The following CNGB1 variants were observed in gnomAD, a reference collection of about 807,000 sequenced individuals.
CNGB1 encodes cyclic nucleotide-gated channel beta-1.
In CNGB1, 126 loss-of-function variants were observed where a neutral mutation model predicts 151.7. That is an observed-to-expected ratio of 0.83 (90% confidence interval 0.72 to 0.96). CNGB1 has a LOEUF of 0.96. Among genes scored for constraint, CNGB1 ranks in the 40% least tolerant of loss-of-function variants. The probability of loss-of-function intolerance (pLI) is 0.00; values close to 1 mark genes in which losing one functional copy is unlikely to be tolerated. For synonymous variants in CNGB1, 623 were observed against 635.1 expected (o/e 0.98, Z 0.29); for missense variants, 1,698 against 1,627.0 (o/e 1.04, Z -0.75).
chr16:57,897,624 A>G (rs1333543509), intron 30 of CNGB1, 81 bp from the exon 31 acceptor site: 16 of 1,600,776 alleles, frequency 1.0e-5, no homozygotes, highest in Non-Finnish European at 1.4e-5. Context: ...CCATGTGTGG[A>G]GGACAGTGGT....
chr16:57,886,090 AC>A (rs1301975791), intron 32 of CNGB1, among the ~76,000 whole-genome samples: 3 of 152,104 alleles, frequency 2.0e-5, no homozygotes, highest in Admixed American at 1.3e-4. Flanking sequence ...TCATGAGGCA[AC>A]CCTCAGTAAT....
At chr16:57,971,031 C>T (rs1489924257) in intron 1 of CNGB1, 29 bp downstream of exon 1, 3 of 143,312 alleles carry the variant, frequency 2.1e-5, no homozygotes, top group Non-Finnish European at 4.7e-5. Flanking sequence ...CTCGGGGTCC[C>T]ACCGAGCCTC....
intron 25 of CNGB1, among the ~76,000 whole-genome samples, chr16:57,906,465 G>A (rs543370694): frequency 6.6e-6 from 1 of 152,204 alleles, no homozygotes; most frequent in Non-Finnish European, 1.5e-5. Flanking sequence ...CAGGAAGGAG[G>A]AAGCAGAGGT....
At chr16:57,888,332 T>C (rs1348034461) in intron 31 of CNGB1, among the ~76,000 whole-genome samples, 1 of 152,092 alleles carries the variant, frequency 6.6e-6, no homozygotes, top group Non-Finnish European at 1.5e-5. Context: ...CTCAGAGAGG[T>C]TGAATAACTT....
chr16:57,904,950 G>T (rs1044803209), intron 25 of CNGB1, 75 bp from the exon 26 acceptor site: 74 of 1,567,386 alleles, frequency 4.7e-5, no homozygotes, highest in Admixed American at 1.3e-4. Context: ...TGGCTCAGAC[G>T]CCTCTGATAG....
intron 14 of CNGB1, among the ~76,000 whole-genome samples, chr16:57,948,361 G>T (rs1961860730): frequency 1.4e-5 from 2 of 147,382 alleles, no homozygotes; most frequent in Non-Finnish European, 3.0e-5. Context: ...TGCTATGTTG[G>T]CTAGGCTGGT....
Position 57,917,404 on chromosome 16 carries a change from C to A in CNGB1, c.2030G>T (p.Arg677Leu), listed in dbSNP as rs375519490. ...WNWNCWLIPV[R>L]WAFPYQTPDN... ...CGGGGTCTGGTAGGGGAAGGCCCAG[C>A]GCACGGGAATCAGCCAACAGTTCCA... is the stretch of plus-strand genomic sequence containing the variant. Residue 677 changes from arginine to leucine, a missense_variant, in exon 21 of 33, where the codon CGC becomes CTC. Physicochemically the swap from Arg to Leu is moderately radical, Grantham distance 102. Coordinates refer to ENST00000251102, the MANE Select transcript of CNGB1 (RefSeq NM_001297.5). The A allele has an allele frequency of 5.9e-5, 96 of 1,613,954 alleles. No individual in the cohort carries two copies. The highest frequency in any genetic ancestry group is 7.5e-5 in the Non-Finnish European group (88 of 1,180,042).
rs1555488069 is a variant in CNGB1 at position 57,897,911 on chromosome 16, C to A, written c.2980G>T (p.Glu994Ter). 1 of 1,614,088 alleles carries A rather than the reference C, an allele frequency of 6.2e-7. No individual in the cohort carries two copies. Among genetic ancestry groups the A allele is most frequent in the Non-Finnish European group, 8.5e-7 (1 of 1,179,928 alleles). Residue 994 changes from glutamate to a stop codon, truncating the protein, a stop_gained, in exon 30 of 33, where the codon GAG (glutamate) becomes TAG (stop). Coordinates refer to ENST00000251102, the MANE Select transcript of CNGB1 (RefSeq NM_001297.5). LOFTEE classifies it high-confidence loss of function. Reference protein sequence around the residue: ...LPNDYVCKKGEIGREMYIIQA... With the variant: ...LPNDYVCKKG ...ATGATGTACATCTCACGGCCGATCT[C>A]CCCCTGAAACAAAGAAGTGACAAGT...
Position 57,952,384 on chromosome 16 carries a change from G to A in CNGB1, c.875-1844C>T, listed in dbSNP as rs74019732. Among the ~76,000 whole-genome samples, 563 of 151,844 alleles carry A rather than the reference G, an allele frequency of 3.7e-3. 4 individuals carry two copies. Among genetic ancestry groups the A allele is most frequent in the African/African-American group, 0.013 (531 of 41,410 alleles). ...CAGTGGCCACTCCTTATGGGGTGCC[G>A]TCCTTAAGAATTGATGCTGTCCTTG... On this transcript the variant is annotated intron_variant, in intron 12 of 32. Transcript: ENST00000251102.
At chr16:57,937,954 G>A (rs1961556684) in intron 16 of CNGB1, among the ~76,000 whole-genome samples, 1 of 152,226 alleles carries the variant, frequency 6.6e-6, no homozygotes, top group Non-Finnish European at 1.5e-5. Flanking sequence ...GAGGACCAGG[G>A]CTCAAGGCTA....
At chr16:57,957,086 C>T (rs1466049712) in intron 12 of CNGB1, among the ~76,000 whole-genome samples, 2 of 152,210 alleles carry the variant, frequency 1.3e-5, no homozygotes, top group African/African-American at 2.4e-5. Flanking sequence ...TGGATAGAAG[C>T]TGGACACTGG....
rs778822809 is a variant in CNGB1 at position 57,940,337 on chromosome 16, G to A, written c.1122-16C>T. On this transcript the variant is annotated splice_polypyrimidine_tract_variant and intron_variant, in intron 14 of 32. Coordinates refer to ENST00000251102, the MANE Select transcript of CNGB1 (RefSeq NM_001297.5). ...CAGCAGCACCCTGTGACCCGGGGCG[G>A]GGTGGGGAGGATAAAAGGACTGGGT... The A allele has an allele frequency of 1.3e-6, 2 of 1,563,118 alleles. No homozygotes were observed. Among genetic ancestry groups the A allele is most frequent in the Non-Finnish European group, 1.7e-6 (2 of 1,153,314 alleles).
intron 17 of CNGB1, among the ~76,000 whole-genome samples, chr16:57,924,533 C>T (rs1278159188): frequency 6.6e-6 from 1 of 152,174 alleles, no homozygotes; most frequent in Non-Finnish European, 1.5e-5. Context: ...TGAGTGTTAG[C>T]ACATGAAACC....
At position 57,920,779 on chromosome 16, in the gene CNGB1, C is replaced by T. The variant is rs533096059; in HGVS notation, c.1644-235G>A. ...GGCCCAGCTTTTGGAAAATGTACCA[C>T]GTAGGCTCTGATTCAGATGGGCAGT... is the stretch of plus-strand genomic sequence containing the variant. On this transcript the variant is annotated intron_variant, in intron 18 of 32. Transcript: ENST00000251102. Among the ~76,000 whole-genome samples, 8 of 152,286 alleles carry T rather than the reference C, an allele frequency of 5.3e-5. 2 individuals carry two copies. The highest frequency in any genetic ancestry group is 1.4e-4 in the African/African-American group (6 of 41,550).
intron 31 of CNGB1, among the ~76,000 whole-genome samples, chr16:57,888,635 A>G (rs1210509970): frequency 2.0e-5 from 3 of 152,152 alleles, no homozygotes; most frequent in African/African-American, 4.8e-5. Context: ...ATCTTTTTGT[A>G]GAGACAGGGT....
intron 16 of CNGB1, among the ~76,000 whole-genome samples, chr16:57,932,083 GC>G (rs1834564216): frequency 6.6e-6 from 1 of 152,178 alleles, no homozygotes; most frequent in South Asian, 2.1e-4. Flanking sequence ...ACAGCCACCA[GC>G]CCAGGAGCCA....
intron 26 of CNGB1, 83 bp downstream of exon 26, chr16:57,904,651 G>A: frequency 6.3e-7 from 1 of 1,588,306 alleles, no homozygotes; most frequent in South Asian, 1.1e-5. Flanking sequence ...AAAGCAACGG[G>A]CACAGAGGGT....
At chr16:57,930,257 G>C (rs1194335911) in intron 17 of CNGB1, among the ~76,000 whole-genome samples, 1 of 152,102 alleles carries the variant, frequency 6.6e-6, no homozygotes. Context: ...GGCACTTTGG[G>C]AGGCTAAGGC....
At chr16:57,911,945 G>GAGAGCCA in intron 24 of CNGB1, 70 bp from the exon 25 acceptor site, 3 of 1,599,452 alleles carry the variant, frequency 1.9e-6, no homozygotes, top group Non-Finnish European at 2.6e-6. Context: ...CCTGGACAGT[G>GAGAGCCA]AGAGCCAACC....
Sources: gnomAD v4.1 joint callset for allele counts (sites outside exome capture counted in the v4.1 genomes callset) on GRCh38, gnomAD v4.1.1 for gene constraint, MANE v1.5 for transcripts, NCBI Gene and HGNC (gene_info 2026-07-23, HGNC 2026-07-21) for gene names.